Variants in NFE2L3 observed in about 807,000 individuals in gnomAD.
The protein encoded by NFE2L3 is NFE2 like bZIP transcription factor 3.
In NFE2L3, 18 loss-of-function variants were observed where a neutral mutation model predicts 23.5. That is an observed-to-expected ratio of 0.77 (90% CI 0.53 to 1.13). The LOEUF (loss-of-function observed/expected upper bound fraction) is 1.13, where lower values mean the gene tolerates loss of function less well. NFE2L3 is among the 50% of genes most tolerant of loss of function. The probability of loss-of-function intolerance (pLI) is 0.00; values close to 1 mark genes in which losing one functional copy is unlikely to be tolerated. For missense variants in NFE2L3, 1,152 were observed against 877.2 expected (o/e 1.31, Z -3.96); for synonymous variants, 424 against 354.5 (o/e 1.20, Z -2.20).
At position 26,186,828 on chromosome 7, in the gene NFE2L3, A is replaced by AAAT. The variant is rs1232742514; in HGVS notation, c.*1050_*1052dup. Reference sequence around the variant, plus strand: ...TAAACCAGGGTAAGGTAAATTCTAGAAATAATAGCATTTGAAATGAAAACC... The same window carrying AAAT: ...TAAACCAGGGTAAGGTAAATTCTAGAAATAATAATAGCATTTGAAATGAAAACC... On this transcript the variant is annotated 3_prime_UTR_variant, in exon 4 of 4. Coordinates refer to ENST00000056233, the MANE Select transcript of NFE2L3 (RefSeq NM_004289.7). 2 of 152,216 alleles carry AAAT rather than the reference A, an allele frequency of 1.3e-5. No homozygotes were observed. Among genetic ancestry groups the AAAT allele is most frequent in the Non-Finnish European group, 2.9e-5 (2 of 68,034 alleles). 9.4% of individuals were successfully genotyped at this position (152,216 alleles called of 1,614,324 possible).
At position 26,184,843 on chromosome 7, in the gene NFE2L3, A is replaced by C; in HGVS notation, c.1145A>C (p.Tyr382Ser). Residue 382 changes from tyrosine to serine, a missense_variant, in exon 4 of 4, where the codon TAT becomes TCT. Coordinates refer to ENST00000056233, the MANE Select transcript of NFE2L3 (RefSeq NM_004289.7). Reference protein sequence around the residue: ...MRNLTSQDLLYDLDINIFDEI... With the variant: ...MRNLTSQDLLSDLDINIFDEI... ...AATCTAACAAGCCAAGACCTACTGT[A>C]TGACCTTGACATAAATATATTTGAT... 6.2e-7 allele frequency: 1 copy of C among 1,614,000 alleles called. No individual in the cohort carries two copies. Among genetic ancestry groups the C allele is most frequent in the Non-Finnish European group, 8.5e-7 (1 of 1,179,846 alleles).
chr7:26,186,274 T>A lies in NFE2L3; in HGVS notation c.*491T>A, dbSNP rs1314117657. ...AAATTTTGCTTTCTATGGAAATAAATTTTGTATTTGTATTAAAAATTAACT... is the reference window on the plus strand; with the variant it reads ...AAATTTTGCTTTCTATGGAAATAAAATTTGTATTTGTATTAAAAATTAACT... On this transcript the variant is annotated 3_prime_UTR_variant, in exon 4 of 4. Coordinates refer to ENST00000056233, the MANE Select transcript of NFE2L3 (RefSeq NM_004289.7). 6.6e-6 allele frequency: 1 copy of A among 152,346 alleles called. No homozygotes were observed. The highest frequency in any genetic ancestry group is 2.4e-5 in the African/African-American group (1 of 41,466). The allele number at this position is 152,346 out of a possible 1,614,324, so 9.4% of individuals were successfully genotyped here.
chr7:26,171,792 A>T (rs970363464), intron 1 of NFE2L3, among the ~76,000 whole-genome samples: 1 of 152,094 alleles, frequency 6.6e-6, no homozygotes, highest in African/African-American at 2.4e-5. Flanking sequence ...GTGTTTTGGG[A>T]GGCCAAGGAG....
At chr7:26,180,572 GCT>G (rs1226993096) in intron 2 of NFE2L3, among the ~76,000 whole-genome samples, 12 of 152,162 alleles carry the variant, frequency 7.9e-5, no homozygotes, top group Non-Finnish European at 1.6e-4. Flanking sequence ...AGTATTCACA[GCT>G]CTGTTTGAGG....
intron 1 of NFE2L3, among the ~76,000 whole-genome samples, chr7:26,165,590 C>A (rs1279552558): frequency 6.6e-6 from 1 of 152,182 alleles, no homozygotes; most frequent in Non-Finnish European, 1.5e-5. Context: ...ATGTCATCTG[C>A]AAACAGGGAC....
At position 26,181,771 on chromosome 7, in the gene NFE2L3, CTA is replaced by C. The variant is rs146867030; in HGVS notation, c.751-1928_751-1927del. ...ACAGAATCTATAAGGCAAGAACAGA[CTA>C]TCATGAAAAAAGAAAAAGATCTAGA... is the stretch of plus-strand genomic sequence containing the variant. On this transcript the variant is annotated intron_variant, in intron 2 of 3. Coordinates refer to ENST00000056233, the MANE Select transcript of NFE2L3 (RefSeq NM_004289.7). Among the ~76,000 whole-genome samples the C allele has an allele frequency of 3.9e-3, 595 of 151,864 alleles. 2 individuals are homozygous for C. The highest frequency in any genetic ancestry group is 0.014 in the African/African-American group (568 of 41,402).
In NFE2L3 at chr7:26,153,133, T is replaced by C; in HGVS notation, c.570+65T>C. On this transcript the variant is annotated intron_variant, in intron 1 of 3. Coordinates refer to ENST00000056233, the MANE Select transcript of NFE2L3 (RefSeq NM_004289.7). ...CGCCGCCGGGAGCCCCCGAGGCTTG[T>C]GTCGGATCTGAGCAGGGGCCACTCT... 7 of 1,445,036 alleles carry C rather than the reference T, an allele frequency of 4.8e-6. No homozygotes were observed. In the Admixed American group the frequency reaches 1.4e-4, roughly 30 times the overall value. The allele number at this position is 1,445,036 out of a possible 1,614,324, so 89.5% of individuals were successfully genotyped here.
At position 26,185,144 on chromosome 7, in the gene NFE2L3, T is replaced by C; in HGVS notation, c.1446T>C (p.Asp482=). 1.2e-6 allele frequency: 2 copies of C among 1,613,916 alleles called. No individual in the cohort carries two copies. The highest frequency in any genetic ancestry group is 1.7e-6 in the Non-Finnish European group (2 of 1,179,846). The change falls in exon 4 of 4, where the codon GAT becomes GAC. Residue 482 remains aspartate, a synonymous_variant. Transcript: ENST00000056233. ...AGCTTTGTCACTTGGATCAAAGTGA[T>C]TCTGATTTCCATGGAGATCTTACAT... ...PSKLCHLDQS[D]SDFHGDLTFQ...
chr7:26,152,370 T>A lies in NFE2L3; in HGVS notation c.-129T>A. ...CCGCGACGGCCGCCACGCGCCCCGG[T>A]CCATTGTTTCGCTTATCTGGGTTCC... On this transcript the variant is annotated 5_prime_UTR_variant, in exon 1 of 4. Transcript: ENST00000056233. The surrounding 1 kb of genome is among the most constrained non-coding windows in gnomAD (Gnocchi z 4.4). The A allele has an allele frequency of 1.8e-6, 1 of 543,956 alleles. No individual in the cohort carries two copies. The highest frequency in any genetic ancestry group is 2.6e-6 in the Non-Finnish European group (1 of 389,680). 33.7% of individuals were successfully genotyped at this position (543,956 alleles called of 1,614,324 possible).
At chr7:26,170,661 G>A (rs1784318694) in intron 1 of NFE2L3, among the ~76,000 whole-genome samples, 2 of 152,204 alleles carry the variant, frequency 1.3e-5, no homozygotes, top group South Asian at 4.1e-4. Flanking sequence ...AATTCAAGGG[G>A]ATTTCTTTCA....
Position 26,152,630 on chromosome 7 carries a change from C to A in NFE2L3, c.132C>A (p.Asp44Glu). ...LLLPPPTLLQ[D>E]ELLFLGGPAS... ...TGCCGCCGCCCACCCTGCTGCAGGACGAGCTGCTGTTCCTGGGCGGCCCGG... is the reference window on the plus strand; with the variant it reads ...TGCCGCCGCCCACCCTGCTGCAGGAAGAGCTGCTGTTCCTGGGCGGCCCGG... Residue 44 changes from aspartate to glutamate, a missense_variant, in exon 1 of 4, where the codon GAC becomes GAA. Asp to Glu is a conservative substitution (Grantham distance 45). Coordinates refer to ENST00000056233, the MANE Select transcript of NFE2L3 (RefSeq NM_004289.7). The surrounding 1 kb of genome is among the most constrained non-coding windows in gnomAD (Gnocchi z 4.4). 1 of 1,530,302 alleles carries A rather than the reference C, an allele frequency of 6.5e-7. No homozygotes were observed. Among genetic ancestry groups the A allele is most frequent in the South Asian group, 1.2e-5 (1 of 82,936 alleles). The allele number at this position is 1,530,302 out of a possible 1,614,324, so 94.8% of individuals were successfully genotyped here. A position where few individuals can be genotyped will look rare whatever the true frequency, so the allele number is the denominator to read the frequency against.
chr7:26,170,718 T>A (rs1052985194), intron 1 of NFE2L3, among the ~76,000 whole-genome samples: 25 of 152,218 alleles, frequency 1.6e-4, no homozygotes, highest in African/African-American at 5.8e-4. Flanking sequence ...AGCTTCCCAA[T>A]TCTTTTTTCA....
In NFE2L3 at chr7:26,185,606, G is replaced by A. The variant is rs569112122; in HGVS notation, c.1908G>A (p.Gln636=). Residue 636 remains glutamine, a synonymous_variant, in exon 4 of 4, where the codon CAG becomes CAA. Coordinates refer to ENST00000056233, the MANE Select transcript of NFE2L3 (RefSeq NM_004289.7). The stretch of plus-strand genomic sequence containing the variant: ...ACAAAGCTATTAACATAATGAAACA[G>A]AAACTGCATGACCTTTATCATGATA... The part of the protein sequence containing the change: ...QCNKAINIMK[Q]KLHDLYHDIF... 5.6e-6 allele frequency: 9 copies of A among 1,613,518 alleles called. No homozygotes were observed. In the South Asian group the frequency reaches 9.9e-5, roughly 18 times the overall value.
intron 1 of NFE2L3, among the ~76,000 whole-genome samples, chr7:26,169,777 G>T (rs948814330): frequency 6.6e-6 from 1 of 152,200 alleles, no homozygotes; most frequent in Non-Finnish European, 1.5e-5. Flanking sequence ...TCTTCCCTCA[G>T]TCTGTGGAAT....
intron 1 of NFE2L3, among the ~76,000 whole-genome samples, chr7:26,170,431 G>A (rs1307044648): frequency 6.6e-6 from 1 of 152,130 alleles, no homozygotes; most frequent in African/African-American, 2.4e-5. Flanking sequence ...CTGCAAGACT[G>A]TCCTGCTAAT....
chr7:26,175,474 AAT>A (rs1301173400), intron 1 of NFE2L3, among the ~76,000 whole-genome samples: 1 of 151,862 alleles, frequency 6.6e-6, no homozygotes, highest in African/African-American at 2.4e-5. Context: ...AACCAGAATT[AAT>A]AGTTTATAAT....
chr7:26,156,781 G>A (rs922522281), intron 1 of NFE2L3, among the ~76,000 whole-genome samples: 1 of 152,140 alleles, frequency 6.6e-6, no homozygotes, highest in South Asian at 2.1e-4. Context: ...TGCTGGGTGA[G>A]GGGTCTGGTA....
At chr7:26,168,043 A>C (rs775865425) in intron 1 of NFE2L3, among the ~76,000 whole-genome samples, 1 of 152,194 alleles carries the variant, frequency 6.6e-6, no homozygotes, top group Non-Finnish European at 1.5e-5. Context: ...AGTAGTATAC[A>C]CTGAACCCAA....
At chr7:26,178,783 G>T (rs898328412) in intron 2 of NFE2L3, among the ~76,000 whole-genome samples, 1 of 152,134 alleles carries the variant, frequency 6.6e-6, no homozygotes, top group Non-Finnish European at 1.5e-5. Context: ...CTGAGGTCCT[G>T]CCCACAAGCA....
Sources: allele counts gnomAD v4.1 joint callset (sites outside exome capture counted in the v4.1 genomes callset), GRCh38; gene constraint gnomAD v4.1.1; non-coding constraint Gnocchi (gnomAD v3.1); transcripts MANE v1.5; gene names NCBI Gene and HGNC (gene_info 2026-07-23, HGNC 2026-07-21).